DCC: variants seen among roughly 807,000 people sequenced by gnomAD.
DCC encodes netrin receptor DCC.
DCC carries 58 observed loss-of-function variants against 172.5 expected under a neutral mutation model. That is an observed-to-expected ratio of 0.34 (90% confidence interval 0.27 to 0.42). The LOEUF is 0.42. Ranked by LOEUF, DCC falls within the 10% of genes least tolerant of loss-of-function variation. DCC has a pLI of 1.00. For synonymous variants in DCC, 709 were observed against 644.5 expected, an observed-to-expected ratio of 1.10 and a Z score of -1.52; for missense variants, 1,740 against 1,791.0, an observed-to-expected ratio of 0.97 and a Z score of 0.51.
At chr18:53,389,888 A>G (rs769875214) in intron 16 of DCC, among the ~76,000 whole-genome samples, 13 of 152,352 alleles carry the variant, frequency 8.5e-5, no homozygotes, top group East Asian at 1.9e-4. Flanking sequence ...TGAAAAAACT[A>G]TACAGTTAAT....
Position 52,919,297 on chromosome 18 carries a change from C to T in DCC, c.698-4410C>T, listed in dbSNP as rs577578713. Among the ~76,000 whole-genome samples, 3 of 152,204 alleles carry T rather than the reference C, an allele frequency of 2.0e-5. No homozygotes were observed. In the South Asian group the frequency reaches 6.2e-4, roughly 32 times the overall value. On this transcript the variant is annotated intron_variant, in intron 3 of 28. Coordinates refer to ENST00000442544, the MANE Select transcript of DCC (RefSeq NM_005215.4). Reference sequence around the variant, plus strand: ...ATTTACAACAAGAGTAAAAGGCATCCCTTTTGGATTAGAGAATATTAAAAA... The same window carrying T: ...ATTTACAACAAGAGTAAAAGGCATCTCTTTTGGATTAGAGAATATTAAAAA...
intron 2 of DCC, among the ~76,000 whole-genome samples, chr18:52,840,678 A>G (rs1486666113): frequency 6.6e-6 from 1 of 152,220 alleles, no homozygotes; most frequent in Non-Finnish European, 1.5e-5. Flanking sequence ...GCCTAAAATA[A>G]AATGACTAAA....
At chr18:52,828,497 G>T (rs2038553397) in intron 2 of DCC, among the ~76,000 whole-genome samples, 1 of 151,924 alleles carries the variant, frequency 6.6e-6, no homozygotes, top group Non-Finnish European at 1.5e-5. Context: ...AGTTGCTATT[G>T]TCTTAAAGAT....
At chr18:52,488,256 G>A (rs1169606994) in intron 1 of DCC, among the ~76,000 whole-genome samples, 1 of 152,068 alleles carries the variant, frequency 6.6e-6, no homozygotes, top group South Asian at 2.1e-4. Flanking sequence ...GTCTTTAATT[G>A]TCTGTAGTTC....
At chr18:52,925,778 T>C (rs1480561670) in intron 5 of DCC, among the ~76,000 whole-genome samples, 5 of 151,904 alleles carry the variant, frequency 3.3e-5, no homozygotes, top group Non-Finnish European at 1.5e-5. Flanking sequence ...TTAAATTCAG[T>C]ATGTTGGTAA....
intron 5 of DCC, among the ~76,000 whole-genome samples, chr18:53,034,606 A>AT (rs905581205): frequency 4.0e-5 from 6 of 151,394 alleles, no homozygotes; most frequent in African/African-American, 1.5e-4. Flanking sequence ...TGATCTCCTT[A>AT]TTTTTATCCC....
chr18:53,037,927 A>G (rs1039272144), intron 5 of DCC, among the ~76,000 whole-genome samples: 11 of 152,034 alleles, frequency 7.2e-5, no homozygotes, highest in African/African-American at 2.7e-4. Flanking sequence ...AATGAAGGTT[A>G]ACAGAAGAGT....
intron 2 of DCC, among the ~76,000 whole-genome samples, chr18:52,860,512 G>A (rs1313278040): frequency 6.6e-6 from 1 of 152,200 alleles, no homozygotes; most frequent in Non-Finnish European, 1.5e-5. Context: ...GGCAGGGCTA[G>A]AATCTAAAAA....
At chr18:52,973,082 C>T (rs2041056224) in intron 5 of DCC, among the ~76,000 whole-genome samples, 1 of 152,096 alleles carries the variant, frequency 6.6e-6, no homozygotes, top group South Asian at 2.1e-4. Context: ...GTGCTAGAAC[C>T]TAGTAGATAT....
intron 15 of DCC, among the ~76,000 whole-genome samples, chr18:53,345,268 C>T (rs903992902): frequency 1.3e-5 from 2 of 151,928 alleles, no homozygotes; most frequent in East Asian, 1.9e-4. Flanking sequence ...TTTACTGATT[C>T]CTGCTCTTAG....
intron 2 of DCC, among the ~76,000 whole-genome samples, chr18:52,828,714 T>C (rs1001460374): frequency 3.9e-5 from 6 of 152,184 alleles, no homozygotes; most frequent in African/African-American, 1.4e-4. Context: ...AATGCAAATG[T>C]AGAAAATCTA....
intron 5 of DCC, among the ~76,000 whole-genome samples, chr18:53,050,167 T>C (rs932125043): frequency 1.3e-5 from 2 of 152,118 alleles, no homozygotes; most frequent in African/African-American, 4.8e-5. Flanking sequence ...GCCTGCTTTA[T>C]CTAGCCACGC....
chr18:53,248,593 C>T (rs2056393132), intron 12 of DCC, among the ~76,000 whole-genome samples: 1 of 151,986 alleles, frequency 6.6e-6, no homozygotes, highest in Admixed American at 6.6e-5. Flanking sequence ...GAACGAAAGC[C>T]AGAGCTGGCT....
At chr18:53,176,834 T>C (rs1598877932) in intron 8 of DCC, among the ~76,000 whole-genome samples, 2 of 151,734 alleles carry the variant, frequency 1.3e-5, no homozygotes, top group East Asian at 1.9e-4. Context: ...ACTGGGTATA[T>C]ACCCAAAGGA....
intron 7 of DCC, among the ~76,000 whole-genome samples, chr18:53,071,028 G>T (rs1300699696): frequency 1.3e-5 from 2 of 152,170 alleles, no homozygotes; most frequent in Non-Finnish European, 2.9e-5. Flanking sequence ...TACATTGTGG[G>T]CGTGCATTAC....
At chr18:53,087,063 C>T (rs1003970001) in intron 7 of DCC, among the ~76,000 whole-genome samples, 7 of 151,808 alleles carry the variant, frequency 4.6e-5, no homozygotes, top group South Asian at 2.1e-4. Flanking sequence ...AATAAACATA[C>T]GTGTGCATGT....
chr18:53,512,741 C>T (rs1449005085), intron 27 of DCC, among the ~76,000 whole-genome samples: 31 of 148,582 alleles, frequency 2.1e-4, no homozygotes, highest in African/African-American at 6.2e-4. Context: ...TGAAATGAAG[C>T]AAGAAGGGAA....
chr18:52,741,237 A>G (rs942810586), intron 1 of DCC, among the ~76,000 whole-genome samples: 2 of 152,160 alleles, frequency 1.3e-5, no homozygotes, highest in African/African-American at 2.4e-5. Flanking sequence ...GGTCCTGAAT[A>G]TGATCATTTC....
intron 2 of DCC, among the ~76,000 whole-genome samples, chr18:52,795,113 G>A (rs1376279642): frequency 6.6e-6 from 1 of 151,898 alleles, no homozygotes; most frequent in African/African-American, 2.4e-5. Flanking sequence ...ATCTTTGTCT[G>A]GTGTTGGTAT....
Sources: gnomAD v4.1 joint callset for allele counts (sites outside exome capture counted in the v4.1 genomes callset) on GRCh38, gnomAD v4.1.1 for gene constraint, MANE v1.5 for transcripts, NCBI Gene and HGNC (gene_info 2026-07-23, HGNC 2026-07-21) for gene names.